Variants in SERGEF observed in about 807,000 individuals in gnomAD.
The protein encoded by SERGEF is secretion regulating guanine nucleotide exchange factor.
A neutral mutation model predicts 50.0 loss-of-function variants in SERGEF; 51 were observed. That is an observed-to-expected ratio of 1.02 (90% CI 0.81 to 1.29). SERGEF has a LOEUF of 1.29. Ranked by LOEUF, SERGEF falls within the 50% of genes most tolerant of loss-of-function variation. SERGEF has a pLI of 0.00. For missense variants in SERGEF, 521 were observed against 557.0 expected, an observed-to-expected ratio of 0.94 and a Z score of 0.65; for synonymous variants, 205 against 212.4, an observed-to-expected ratio of 0.97 and a Z score of 0.30.
intron 10 of SERGEF, among the ~76,000 whole-genome samples, chr11:17,791,428 A>AC (rs1849482991): frequency 6.6e-6 from 1 of 152,250 alleles, no homozygotes; most frequent in African/African-American, 2.4e-5. Flanking sequence ...TAGGACTGCA[A>AC]GTTTTTAATA....
At chr11:17,847,984 A>C (rs1224761943) in intron 10 of SERGEF, among the ~76,000 whole-genome samples, 2 of 152,254 alleles carry the variant, frequency 1.3e-5, no homozygotes, top group African/African-American at 4.8e-5. Flanking sequence ...TTTTTCTTCC[A>C]TTATAAGCAC....
At chr11:18,001,852 C>A in intron 4 of SERGEF, 2 of 347,054 alleles carry the variant, frequency 5.8e-6, no homozygotes, top group East Asian at 1.6e-4. Flanking sequence ...ATAATCATAA[C>A]CCCATTAAGG....
intron 9 of SERGEF, among the ~76,000 whole-genome samples, chr11:17,885,040 C>G (rs1851402953): frequency 6.6e-6 from 1 of 152,196 alleles, no homozygotes; most frequent in East Asian, 1.9e-4. Context: ...TAACTCACTA[C>G]ACATACTGCC....
At chr11:17,793,832 A>G (rs1286453471) in intron 10 of SERGEF, among the ~76,000 whole-genome samples, 3 of 152,216 alleles carry the variant, frequency 2.0e-5, no homozygotes, top group African/African-American at 4.8e-5. Context: ...ACAGGGCTCA[A>G]TCTAGGCTGT....
At chr11:17,992,488 C>T (rs906962960) in intron 7 of SERGEF, among the ~76,000 whole-genome samples, 3 of 152,286 alleles carry the variant, frequency 2.0e-5, no homozygotes, top group Admixed American at 6.5e-5. Context: ...AAGAGAGCAG[C>T]TTCTACCCTC....
intron 9 of SERGEF, among the ~76,000 whole-genome samples, chr11:17,946,553 A>G (rs1220401404): frequency 4.6e-5 from 7 of 152,158 alleles, no homozygotes; most frequent in African/African-American, 1.7e-4. Flanking sequence ...AGGCACGGGG[A>G]AATTATGCAG....
intron 10 of SERGEF, among the ~76,000 whole-genome samples, chr11:17,792,268 A>G (rs1282049945): frequency 6.6e-6 from 1 of 152,258 alleles, no homozygotes; most frequent in Non-Finnish European, 1.5e-5. Context: ...CCCAGGCCAC[A>G]TCTCCTACAG....
chr11:17,820,865 G>A (rs1198207911), intron 10 of SERGEF, among the ~76,000 whole-genome samples: 1 of 152,154 alleles, frequency 6.6e-6, no homozygotes, highest in African/African-American at 2.4e-5. Context: ...GACCATGGAG[G>A]CAGGGACTGG....
intron 10 of SERGEF, chr11:17,856,640 G>A (rs1051245170): frequency 2.6e-5 from 4 of 152,140 alleles, no homozygotes; most frequent in African/African-American, 9.7e-5. Flanking sequence ...TACCCTCTCT[G>A]CCATAGTTTC....
intron 9 of SERGEF, among the ~76,000 whole-genome samples, chr11:17,925,122 T>C (rs1331930590): frequency 1.3e-5 from 2 of 152,200 alleles, no homozygotes; most frequent in Admixed American, 6.5e-5. Flanking sequence ...TTCAGAGAAA[T>C]GCTTTGTATT....
At chr11:17,827,118 G>A (rs1470043316) in intron 10 of SERGEF, among the ~76,000 whole-genome samples, 1 of 152,228 alleles carries the variant, frequency 6.6e-6, no homozygotes, top group Non-Finnish European at 1.5e-5. Context: ...GGGGTAGAAA[G>A]GTCAGATATC....
At chr11:17,830,089 G>T (rs1466114008) in intron 10 of SERGEF, among the ~76,000 whole-genome samples, 2 of 152,170 alleles carry the variant, frequency 1.3e-5, no homozygotes, top group African/African-American at 4.8e-5. Flanking sequence ...TTCTGCTCTG[G>T]TTGCCAAAGC....
Position 17,820,064 on chromosome 11 carries a change from G to A in SERGEF, c.1049-31651C>T, listed in dbSNP as rs978053040. On this transcript the variant is annotated intron_variant, in intron 10 of 10. Transcript: ENST00000265965. ...TCACTATGTTGTCCTGGCTGCTCTCGAGCTCCTGGGCTCAAATGATCCTCC... is the reference window on the plus strand; with the variant it reads ...TCACTATGTTGTCCTGGCTGCTCTCAAGCTCCTGGGCTCAAATGATCCTCC... Among the ~76,000 whole-genome samples the A allele has an allele frequency of 1.1e-4, 16 of 151,792 alleles. No individual in the cohort carries two copies. The East Asian group carries it at 2.7e-3, about 26-fold the overall frequency.
chr11:17,954,153 C>T (rs1852819381), intron 9 of SERGEF, among the ~76,000 whole-genome samples: 1 of 152,166 alleles, frequency 6.6e-6, no homozygotes, highest in African/African-American at 2.4e-5. Flanking sequence ...GGGTACTTAC[C>T]AGAGAGCCAC....
At chr11:17,793,054 T>C (rs1849512208) in intron 10 of SERGEF, among the ~76,000 whole-genome samples, 1 of 152,142 alleles carries the variant, frequency 6.6e-6, no homozygotes. Flanking sequence ...ACCACACAAC[T>C]GTGTGATAAT....
intron 8 of SERGEF, among the ~76,000 whole-genome samples, chr11:17,964,026 G>C (rs1157532458): frequency 6.6e-6 from 1 of 152,134 alleles, no homozygotes; most frequent in Non-Finnish European, 1.5e-5. Flanking sequence ...CACCCCATTA[G>C]ATGTGATTTT....
At position 17,844,031 on chromosome 11, in the gene SERGEF, T is replaced by G. The variant is rs148979775; in HGVS notation, c.1048+34177A>C. On this transcript the variant is annotated intron_variant, in intron 10 of 10. Transcript: ENST00000265965. Reference sequence around the variant, plus strand: ...GGAAGTGGGCCCAGGAATGTATATGTTTAATAATTATCCCAAGTGATTTGA... The same window carrying G: ...GGAAGTGGGCCCAGGAATGTATATGGTTAATAATTATCCCAAGTGATTTGA... Among the ~76,000 whole-genome samples, 82 of 152,230 alleles carry G rather than the reference T, an allele frequency of 5.4e-4. 2 individuals carry two copies. The highest frequency in any genetic ancestry group is 1.9e-3 in the African/African-American group (78 of 41,534).
At chr11:17,958,224 G>A (rs1321753651) in intron 9 of SERGEF, among the ~76,000 whole-genome samples, 3 of 152,152 alleles carry the variant, frequency 2.0e-5, no homozygotes, top group Non-Finnish European at 4.4e-5. Context: ...CAGGGCCCTG[G>A]GGAAGGGAAG....
In SERGEF at chr11:17,918,657, C is replaced by CAT. The variant is rs1555011925; in HGVS notation, c.1012-40414_1012-40413insAT. On this transcript the variant is annotated intron_variant, in intron 9 of 10. Coordinates refer to ENST00000265965, the MANE Select transcript of SERGEF (RefSeq NM_012139.4). Reference sequence around the variant, plus strand: ...ACACACACACACACACACACATACACACACACTCTCTCTCTCTCTCTCTTT... The same window carrying CAT: ...ACACACACACACACACACACATACACATACACACTCTCTCTCTCTCTCTCTTT... 1,302 of 402,978 alleles carry CAT rather than the reference C, an allele frequency of 3.2e-3. 10 individuals carry two copies. In the East Asian group the frequency reaches 0.039, roughly 12 times the overall value. The allele number at this position is 402,978 out of a possible 1,614,324, so 25.0% of individuals were successfully genotyped here.
Sources: allele counts gnomAD v4.1 joint callset (sites outside exome capture counted in the v4.1 genomes callset), GRCh38; gene constraint gnomAD v4.1.1; transcripts MANE v1.5; gene names NCBI Gene and HGNC (gene_info 2026-07-23, HGNC 2026-07-21).